The following CUL2 variants were observed in gnomAD, a reference collection of about 807,000 sequenced individuals.
CUL2 encodes the protein cullin-2.
Under a neutral mutation model 110.2 loss-of-function variants are expected in CUL2, and 22 were observed. The ratio of observed to expected loss-of-function variants is 0.20; its 90% CI spans 0.14 to 0.28. The LOEUF (loss-of-function observed/expected upper bound fraction) is 0.28, where lower values mean the gene tolerates loss of function less well. CUL2 is among the 10% of genes least tolerant of loss of function. The pLI, the probability that CUL2 is intolerant of heterozygous loss-of-function variation, is 1.00. For synonymous variants in CUL2, 279 were observed against 293.2 expected (o/e 0.95, Z 0.49); for missense variants, 631 against 905.5 (o/e 0.70, Z 3.89).
chr10:35,018,671 G>C (rs1377821656), intron 17 of CUL2, among the ~76,000 whole-genome samples: 1 of 149,862 alleles, frequency 6.7e-6, no homozygotes. Flanking sequence ...GCTGAGGCAG[G>C]AGAATGGCTT....
chr10:35,052,468 C>T (rs1486977899), intron 5 of CUL2, among the ~76,000 whole-genome samples: 1 of 152,146 alleles, frequency 6.6e-6, no homozygotes, highest in Admixed American at 6.5e-5. Flanking sequence ...ATAAATATAA[C>T]TCCATGAGCA....
chr10:35,080,101 C>G (rs1452001777), intron 1 of CUL2, among the ~76,000 whole-genome samples: 1 of 152,108 alleles, frequency 6.6e-6, no homozygotes, highest in African/African-American at 2.4e-5. Flanking sequence ...ATGCAGAAAA[C>G]AAAACTGTGA....
intron 1 of CUL2, among the ~76,000 whole-genome samples, chr10:35,106,983 T>TG (rs1487755475): frequency 3.3e-5 from 5 of 151,974 alleles, no homozygotes; most frequent in Admixed American, 6.6e-5. Flanking sequence ...TTTGTTTGTT[T>TG]TTTTGTTTTG....
chr10:35,054,488 A>C lies in CUL2; in HGVS notation c.369T>G (p.Leu123=). 2 of 1,595,520 alleles carry C rather than the reference A, an allele frequency of 1.3e-6. No homozygotes were observed. The highest frequency in any genetic ancestry group is 1.7e-6 in the Non-Finnish European group (2 of 1,172,392). Residue 123 remains leucine, a synonymous_variant, in exon 5 of 21, where the codon CTT becomes CTG. Coordinates refer to ENST00000374749, the MANE Select transcript of CUL2 (RefSeq NM_003591.4). ...IKKNKLTEAD[L]QYGYGGVDMN... Reference sequence around the variant, plus strand: ...TATCTACACCACCATAGCCATACTGAAGGTCCGCTTCTGTTAATTTATTCT... The same window carrying C: ...TATCTACACCACCATAGCCATACTGCAGGTCCGCTTCTGTTAATTTATTCT...
chr10:35,077,514 A>T (rs550288908), intron 1 of CUL2, among the ~76,000 whole-genome samples: 2 of 151,890 alleles, frequency 1.3e-5, no homozygotes, highest in African/African-American at 4.8e-5. Context: ...AATAATAATA[A>T]AATAAAAAGA....
At position 35,029,482 on chromosome 10, in the gene CUL2, T is replaced by C. The variant is rs375547675; in HGVS notation, c.1539+6A>G. On this transcript the variant is annotated splice_donor_region_variant and intron_variant, in intron 15 of 20. Coordinates refer to ENST00000374749, the MANE Select transcript of CUL2 (RefSeq NM_003591.4). ...TAAATGCTCATAGTAAAACACATAT[T>C]CATACCTGTAGAACATATATTTGAA... 4.0e-6 allele frequency: 6 copies of C among 1,509,666 alleles called. No individual in the cohort carries two copies. Among genetic ancestry groups the C allele is most frequent in the Non-Finnish European group, 4.5e-6 (5 of 1,118,898 alleles). The allele number at this position is 1,509,666 out of a possible 1,614,324, so 93.5% of individuals were successfully genotyped here.
chr10:35,086,321 ACT>A (rs754088220), intron 1 of CUL2, among the ~76,000 whole-genome samples: 1 of 151,548 alleles, frequency 6.6e-6, no homozygotes, highest in Admixed American at 6.6e-5. Flanking sequence ...ACACAATGAA[ACT>A]CTCTTAGTTC....
At chr10:35,098,701 C>A (rs1181183830) in intron 2 of CUL2, among the ~76,000 whole-genome samples, 1 of 151,462 alleles carries the variant, frequency 6.6e-6, no homozygotes, top group African/African-American at 2.4e-5. Context: ...GAAGCCAACA[C>A]GGGTGGATCA....
chr10:35,059,422 G>A (rs2086327201), intron 4 of CUL2, among the ~76,000 whole-genome samples: 1 of 152,120 alleles, frequency 6.6e-6, no homozygotes, highest in South Asian at 2.1e-4. Context: ...CTGGCAAAAG[G>A]ATTACAACTT....
At chr10:35,086,221 G>A (rs1297184644) in intron 1 of CUL2, among the ~76,000 whole-genome samples, 4 of 151,946 alleles carry the variant, frequency 2.6e-5, no homozygotes, top group African/African-American at 7.2e-5. Context: ...ACAAGGCCGG[G>A]CACAGTGGAT....
intron 1 of CUL2, among the ~76,000 whole-genome samples, chr10:35,103,311 TTTTTTTTTTTTTTTTTTTTTTA>T (rs2087408958): frequency 1.0e-5 from 1 of 99,884 alleles, no homozygotes; most frequent in Non-Finnish European, 2.0e-5. Context: ...CAAGCTAATT[TTTTTTTTTTTTTTTTTTTTTTA>T]TTTTTTTTTG....
chr10:35,014,834 AAAAT>A (rs1430608067), intron 18 of CUL2, among the ~76,000 whole-genome samples: 5 of 152,152 alleles, frequency 3.3e-5, no homozygotes, highest in East Asian at 1.9e-4. Context: ...TCTCATCTCA[AAAAT>A]AAATAAACAT....
At chr10:35,053,301 C>G (rs556679196) in intron 5 of CUL2, among the ~76,000 whole-genome samples, 10 of 152,252 alleles carry the variant, frequency 6.6e-5, no homozygotes, top group African/African-American at 2.4e-4. Context: ...TGATCTTTTT[C>G]TCTATATCAT....
chr10:35,093,985 T>C (rs926353616), upstream of CUL2, among the ~76,000 whole-genome samples: 6 of 152,142 alleles, frequency 3.9e-5, no homozygotes, highest in Non-Finnish European at 7.3e-5. Flanking sequence ...AATTAATCAG[T>C]AATTTAAAAA....
At chr10:35,078,907 A>G (rs868120574) in intron 1 of CUL2, among the ~76,000 whole-genome samples, 3 of 152,286 alleles carry the variant, frequency 2.0e-5, no homozygotes, top group Admixed American at 1.3e-4. Context: ...GTCTAAGTTG[A>G]CTTCAGATAG....
At chr10:35,034,017 C>G (rs1359179277) in intron 10 of CUL2, among the ~76,000 whole-genome samples, 1 of 152,184 alleles carries the variant, frequency 6.6e-6, no homozygotes, top group African/African-American at 2.4e-5. Context: ...AGAACAGAGA[C>G]CCCTTGAACT....
chr10:35,107,258 G>A (rs1437259711), intron 1 of CUL2, among the ~76,000 whole-genome samples: 1 of 151,844 alleles, frequency 6.6e-6, no homozygotes, highest in Non-Finnish European at 1.5e-5. Flanking sequence ...ACAGGCATGA[G>A]CCACCGCGCC....
rs2085483889 is a variant in CUL2, at chr10:35,031,693, G to A, written c.1171-74C>T. On this transcript the variant is annotated intron_variant, in intron 12 of 20. Coordinates refer to ENST00000374749, the MANE Select transcript of CUL2 (RefSeq NM_003591.4). The surrounding 1 kb of genome is among the most constrained non-coding windows in gnomAD (Gnocchi z 4.4). ...ATCACGCCTCAAAGGAGGCAAAGTG[G>A]TGATACAAGGTAAGATCAGCGGACA... 2 of 1,504,464 alleles carry A rather than the reference G, an allele frequency of 1.3e-6. No individual in the cohort carries two copies. The highest frequency in any genetic ancestry group is 3.5e-5 in the Admixed American group (2 of 56,386). The allele number at this position is 1,504,464 out of a possible 1,614,324, so 93.2% of individuals were successfully genotyped here.
chr10:35,117,598 T>C (rs1251241035), intron 1 of CUL2, among the ~76,000 whole-genome samples: 1 of 152,152 alleles, frequency 6.6e-6, no homozygotes, highest in East Asian at 1.9e-4. Context: ...ATTGTATGTT[T>C]ACAGCATTTG....
Sources: allele counts gnomAD v4.1 joint callset (sites outside exome capture counted in the v4.1 genomes callset), GRCh38; gene constraint gnomAD v4.1.1; non-coding constraint Gnocchi (gnomAD v3.1); transcripts MANE v1.5; gene names NCBI Gene and HGNC (gene_info 2026-07-23, HGNC 2026-07-21).